Variants in ENTREP2 observed in about 807,000 individuals in gnomAD.
The protein encoded by ENTREP2 is protein ENTREP2.
At chr15:29,457,398 A>T in the ENTREP2 span, among the ~76,000 whole-genome samples, 8 of 152,266 alleles carry the variant, frequency 5.3e-5, no homozygotes, top group Non-Finnish European at 1.2e-4. Context: ...CTAAGGATCC[A>T]TCCACAGCTC....
At chr15:29,331,219 C>T in the ENTREP2 span, among the ~76,000 whole-genome samples, 1 of 152,344 alleles carries the variant, frequency 6.6e-6, no homozygotes, top group South Asian at 2.1e-4. Flanking sequence ...GGCAGCTTCT[C>T]AATCGGCAGC....
At chr15:29,344,931 GACACACAC>G in the ENTREP2 span, among the ~76,000 whole-genome samples, 2,394 of 142,588 alleles carry the variant, frequency 0.017, 57 homozygotes, top group African/African-American at 0.052. Context: ...CACGCGCGCA[GACACACAC>G]ACACACACAC....
chr15:29,667,727 C>T, the ENTREP2 span, among the ~76,000 whole-genome samples: 11 of 151,986 alleles, frequency 7.2e-5, no homozygotes, highest in African/African-American at 2.7e-4. Context: ...AACTCCTGAC[C>T]TCAGGTGATC....
the ENTREP2 span, among the ~76,000 whole-genome samples, chr15:29,567,075 T>C: frequency 1.3e-5 from 2 of 152,150 alleles, no homozygotes; most frequent in Non-Finnish European, 2.9e-5. Flanking sequence ...CACAGCTCAT[T>C]ACCTCTCAAA....
the ENTREP2 span, among the ~76,000 whole-genome samples, chr15:29,411,026 C>T: frequency 3.3e-5 from 5 of 152,014 alleles, no homozygotes; most frequent in African/African-American, 9.7e-5. Flanking sequence ...CCTGGTGATC[C>T]GCCGCCTCAG....
At chr15:29,553,018 G>A in the ENTREP2 span, among the ~76,000 whole-genome samples, 845 of 152,324 alleles carry the variant, frequency 5.5e-3, 5 homozygotes, top group African/African-American at 0.019. Context: ...AAACTTGGCC[G>A]GGTGTGGTGG....
chr15:29,352,221 C>T, the ENTREP2 span, among the ~76,000 whole-genome samples: 1 of 152,164 alleles, frequency 6.6e-6, no homozygotes, highest in Non-Finnish European at 1.5e-5. Context: ...AGGTGTGAGC[C>T]ACTGCACCTG....
chr15:29,476,957 G>C, the ENTREP2 span, among the ~76,000 whole-genome samples: 3 of 152,096 alleles, frequency 2.0e-5, no homozygotes, highest in Admixed American at 6.5e-5. Flanking sequence ...GCTCACCAAG[G>C]CCACGTACGA....
At chr15:29,325,657 ATCCT>A in the ENTREP2 span, among the ~76,000 whole-genome samples, 1,862 of 152,254 alleles carry the variant, frequency 0.012, 46 homozygotes, top group African/African-American at 0.043. Context: ...TCACTGACGA[ATCCT>A]ACTAAACACT....
chr15:29,444,964 CAAAGACTA>C, the ENTREP2 span, among the ~76,000 whole-genome samples: 1 of 152,166 alleles, frequency 6.6e-6, no homozygotes, highest in Non-Finnish European at 1.5e-5. Context: ...AGACTGTGGA[CAAAGACTA>C]AAAGAAACAG....
chr15:29,496,066 C>T, the ENTREP2 span, among the ~76,000 whole-genome samples: 430 of 151,992 alleles, frequency 2.8e-3, 2 homozygotes, highest in African/African-American at 9.9e-3. Flanking sequence ...ATTTGTGTAT[C>T]ATTCCATTTC....
chr15:29,283,604 C>T, the ENTREP2 span, among the ~76,000 whole-genome samples: 1 of 152,124 alleles, frequency 6.6e-6, no homozygotes, highest in Non-Finnish European at 1.5e-5. Flanking sequence ...AACTCCACAC[C>T]CACCAAAACA....
chr15:29,523,941 A>C, the ENTREP2 span, among the ~76,000 whole-genome samples: 2 of 152,154 alleles, frequency 1.3e-5, no homozygotes, highest in African/African-American at 4.8e-5. Flanking sequence ...TCTTAGAAAA[A>C]GATATAGATG....
chr15:29,216,633 C>T, the ENTREP2 span, among the ~76,000 whole-genome samples: 4 of 152,228 alleles, frequency 2.6e-5, no homozygotes, highest in East Asian at 1.9e-4. Flanking sequence ...TTGTTACACC[C>T]GAGCGAGTTC....
At chr15:29,235,208 T>C in the ENTREP2 span, 2 of 617,086 alleles carry the variant, frequency 3.2e-6, no homozygotes, top group Non-Finnish European at 5.9e-6. Flanking sequence ...AACAGATAGT[T>C]CTATAGTCTT....
chr15:29,262,925 C>T, the ENTREP2 span, among the ~76,000 whole-genome samples: 6 of 152,152 alleles, frequency 3.9e-5, no homozygotes, highest in African/African-American at 9.7e-5. Flanking sequence ...CTGCTTCCTC[C>T]GTAGGGGAAA....
chr15:29,144,917 G>A, the ENTREP2 span, among the ~76,000 whole-genome samples: 1 of 152,088 alleles, frequency 6.6e-6, no homozygotes, highest in African/African-American at 2.4e-5. Context: ...TTAGCCGGAT[G>A]TGGTGGCATA....
the ENTREP2 span, among the ~76,000 whole-genome samples, chr15:29,331,221 A>G: frequency 0.023 from 3,562 of 152,340 alleles, 55 homozygotes; most frequent in Non-Finnish European, 0.034. Flanking sequence ...CAGCTTCTCA[A>G]TCGGCAGCAG....
the ENTREP2 span, among the ~76,000 whole-genome samples, chr15:29,659,880 C>G: frequency 3.2e-4 from 49 of 151,992 alleles, no homozygotes; most frequent in East Asian, 8.7e-3. Context: ...CTCACTGCAA[C>G]CTCCGCCTCC....
Sources: gnomAD v4.1 joint callset for allele counts (sites outside exome capture counted in the v4.1 genomes callset) on GRCh38, gnomAD v4.1.1 for gene constraint, MANE v1.5 for transcripts, NCBI Gene and HGNC (gene_info 2026-07-23, HGNC 2026-07-21) for gene names.